The following GARRE1 variants were observed in gnomAD, a reference collection of about 807,000 sequenced individuals.
The protein encoded by GARRE1 is granule associated Rac and RHOG effector protein 1.
Under a neutral mutation model 103.2 loss-of-function variants are expected in GARRE1, and 49 were observed. The observed-to-expected ratio is 0.47, with a 90% CI of 0.38 to 0.60. The LOEUF (loss-of-function observed/expected upper bound fraction) is 0.60. Ranked by LOEUF, GARRE1 falls within the 20% of genes least tolerant of loss-of-function variation. GARRE1 has a pLI of 0.00. For synonymous variants in GARRE1, 505 were observed against 532.8 expected, an observed-to-expected ratio of 0.95 and a Z score of 0.72; for missense variants, 1,199 against 1,370.5, an observed-to-expected ratio of 0.87 and a Z score of 1.98.
At position 34,260,684 on chromosome 19, in the gene GARRE1, C is replaced by T. The variant is rs2073712154; in HGVS notation, c.-796+6070C>T. Among the ~76,000 whole-genome samples, 3 of 152,244 alleles carry T rather than the reference C, an allele frequency of 2.0e-5. No homozygotes were observed. In the South Asian group the frequency reaches 6.2e-4, roughly 32 times the overall value. ...ATTTGTTGAAGGAATGAATGATCAT[C>T]TGAGAATGAAATCAGAAAAAATGTC... On this transcript the variant is annotated intron_variant, in intron 1 of 13. Coordinates refer to ENST00000299505, the MANE Select transcript of GARRE1 (RefSeq NM_014686.5).
intron 7 of GARRE1, among the ~76,000 whole-genome samples, chr19:34,332,484 A>G (rs1040843514): frequency 6.6e-6 from 1 of 151,622 alleles, no homozygotes; most frequent in African/African-American, 2.4e-5. Context: ...TTATTCAGAG[A>G]GCAGAAACTT....
At chr19:34,263,008 G>GT (rs2073728348) in intron 1 of GARRE1, among the ~76,000 whole-genome samples, 1 of 152,062 alleles carries the variant, frequency 6.6e-6, no homozygotes, top group Admixed American at 6.6e-5. Context: ...GAGGTCCAGA[G>GT]TTTGAGACCA....
rs540225700 is a variant in GARRE1, at chr19:34,348,004, G to C, written c.2649G>C (p.Ala883=). 3.9e-6 allele frequency: 6 copies of C among 1,551,280 alleles called. No homozygotes were observed. The highest frequency in any genetic ancestry group is 5.2e-6 in the Non-Finnish European group (6 of 1,143,070). ...PRGNWPPMDD[A]HRTWPFPEFF... is the part of the protein sequence containing the mutation. Reference sequence around the variant, plus strand: ...GCAACTGGCCGCCTATGGATGACGCGCATCGGACCTGGCCCTTCCCCGAGT... The same window carrying C: ...GCAACTGGCCGCCTATGGATGACGCCCATCGGACCTGGCCCTTCCCCGAGT... The change falls in exon 11 of 14, where the codon GCG becomes GCC. Residue 883 remains alanine (A), a synonymous_variant. Coordinates refer to ENST00000299505, the MANE Select transcript of GARRE1 (RefSeq NM_014686.5).
intron 1 of GARRE1, among the ~76,000 whole-genome samples, chr19:34,294,755 A>G (rs1056061465): frequency 6.6e-6 from 1 of 152,076 alleles, no homozygotes; most frequent in Non-Finnish European, 1.5e-5. Context: ...CCCAGGCTGG[A>G]GTACAGTGGT....
rs751582801 is a variant in GARRE1, at chr19:34,330,358, G to C, written c.1263+11G>C. ...GGCCAGGCTGGACTGGTGAGTGAGCGTGGGTGGTGGATGATAGGTAGAATA... is the reference window on the plus strand; with the variant it reads ...GGCCAGGCTGGACTGGTGAGTGAGCCTGGGTGGTGGATGATAGGTAGAATA... On this transcript the variant is annotated intron_variant, in intron 7 of 13. Coordinates refer to ENST00000299505, the MANE Select transcript of GARRE1 (RefSeq NM_014686.5). The C allele has an allele frequency of 1.2e-6, 2 of 1,613,836 alleles. No homozygotes were observed. Among genetic ancestry groups the C allele is most frequent in the Non-Finnish European group, 1.7e-6 (2 of 1,179,766 alleles).
chr19:34,288,027 G>A (rs902447054), intron 1 of GARRE1, among the ~76,000 whole-genome samples: 1 of 152,176 alleles, frequency 6.6e-6, no homozygotes, highest in Non-Finnish European at 1.5e-5. Flanking sequence ...ATAGTGGGTA[G>A]TATGATTGCA....
At position 34,320,023 on chromosome 19, in the gene GARRE1, A is replaced by C. The variant is rs75615202; in HGVS notation, c.612A>C (p.Glu204Asp). 6.2e-7 allele frequency: 1 copy of C among 1,614,240 alleles called. No homozygotes were observed. Among genetic ancestry groups the C allele is most frequent in the Non-Finnish European group, 8.5e-7 (1 of 1,180,048 alleles). ...HSCFAEVIVP[E>D]KKNSGSGGGL... ...GCTTTGCTGAGGTCATCGTGCCAGA[A>C]AAAAAGAACAGCGGCAGTGGCGGCG... The change falls in exon 3 of 14, where the codon GAA (glutamate) becomes GAC (aspartate). Residue 204 changes from glutamate to aspartate, a missense_variant. Coordinates refer to ENST00000299505, the MANE Select transcript of GARRE1 (RefSeq NM_014686.5).
At chr19:34,264,250 A>C (rs961181008) in intron 1 of GARRE1, among the ~76,000 whole-genome samples, 6 of 152,150 alleles carry the variant, frequency 3.9e-5, no homozygotes, top group African/African-American at 1.4e-4. Context: ...ATGGTTGTTA[A>C]ATATGGGTAA....
intron 3 of GARRE1, among the ~76,000 whole-genome samples, chr19:34,324,710 G>A (rs1355491860): frequency 1.3e-5 from 2 of 151,850 alleles, no homozygotes; most frequent in East Asian, 1.9e-4. Context: ...GTCTTGCTAT[G>A]TTCCCAGGCC....
intron 2 of GARRE1, among the ~76,000 whole-genome samples, chr19:34,315,243 C>A (rs1412213567): frequency 1.3e-5 from 2 of 152,128 alleles, no homozygotes; most frequent in African/African-American, 4.8e-5. Context: ...AAAATCACAC[C>A]ATGTTTTGGG....
chr19:34,294,413 AC>A (rs1301508342), intron 1 of GARRE1, among the ~76,000 whole-genome samples: 5 of 151,082 alleles, frequency 3.3e-5, no homozygotes, highest in Non-Finnish European at 5.9e-5. Context: ...ACAGAGAGAG[AC>A]CCCATCTCTA....
rs1354740275 is a variant in GARRE1 at position 34,271,756 on chromosome 19, T to C, written c.-796+17142T>C. 2.0e-5 allele frequency among the ~76,000 whole-genome samples: 3 copies of C among 151,954 alleles called. No individual in the cohort carries two copies. The East Asian group carries it at 5.8e-4, about 29-fold the overall frequency. ...TAGGAGGCTGAGGTGGGAGGTTCAC[T>C]TGAGGGAGGTCAAAGCTGCAGTGAG... On this transcript the variant is annotated intron_variant, in intron 1 of 13. Transcript: ENST00000299505.
intron 1 of GARRE1, among the ~76,000 whole-genome samples, chr19:34,286,852 C>T (rs888668989): frequency 1.3e-5 from 2 of 152,080 alleles, no homozygotes; most frequent in African/African-American, 4.8e-5. Flanking sequence ...CTGAGTTGCA[C>T]TACAGTCGGC....
In GARRE1 at chr19:34,293,212, T is replaced by A. The variant is rs2073927652; in HGVS notation, c.-795-6467T>A. ...GTGTGTATTGGCGTATTTATAAAAA[T>A]TTGCACTGTGAGCTTAGCACTAAAG... On this transcript the variant is annotated intron_variant, in intron 1 of 13. Transcript: ENST00000299505. 2.0e-5 allele frequency among the ~76,000 whole-genome samples: 3 copies of A among 152,172 alleles called. 1 individual carries two copies. The South Asian group carries it at 6.2e-4, about 31-fold the overall frequency.
chr19:34,313,219 G>C (rs1278951734), intron 2 of GARRE1, among the ~76,000 whole-genome samples: 1 of 152,218 alleles, frequency 6.6e-6, no homozygotes. Flanking sequence ...CTAGAGAACT[G>C]AAGGAGGTCA....
chr19:34,335,407 A>G (rs573663744), intron 8 of GARRE1, among the ~76,000 whole-genome samples: 2 of 152,374 alleles, frequency 1.3e-5, no homozygotes, highest in Admixed American at 6.5e-5. Flanking sequence ...ATATTTAGCT[A>G]TAAGAGAAAA....
chr19:34,296,253 C>T (rs1599760661), intron 1 of GARRE1: 3 of 641,670 alleles, frequency 4.7e-6, no homozygotes, highest in Non-Finnish European at 8.3e-6. Context: ...TCCTTCTGTT[C>T]TCACATTTGT....
chr19:34,336,928 C>G (rs951546344), intron 8 of GARRE1, among the ~76,000 whole-genome samples: 5 of 152,172 alleles, frequency 3.3e-5, no homozygotes, highest in Non-Finnish European at 7.3e-5. Flanking sequence ...AAAACTCTCC[C>G]TGTGGGGTTG....
chr19:34,345,776 C>G (rs911156189), intron 10 of GARRE1, among the ~76,000 whole-genome samples: 7 of 152,218 alleles, frequency 4.6e-5, no homozygotes, highest in Non-Finnish European at 1.0e-4. Context: ...GAGCTGAGAT[C>G]ACGCCACTGC....
Sources: gnomAD v4.1 joint callset for allele counts (sites outside exome capture counted in the v4.1 genomes callset) on GRCh38, gnomAD v4.1.1 for gene constraint, MANE v1.5 for transcripts, NCBI Gene and HGNC (gene_info 2026-07-23, HGNC 2026-07-21) for gene names.